The following MTMR7 variants were observed in gnomAD, a reference collection of about 807,000 sequenced individuals.
MTMR7 encodes the protein myotubularin related protein 7.
MTMR7 carries 76 observed loss-of-function variants against 81.2 expected under a neutral mutation model. That is an observed-to-expected ratio of 0.94 (90% confidence interval 0.78 to 1.13). The LOEUF (loss-of-function observed/expected upper bound fraction) is 1.13. Ranked by LOEUF, MTMR7 falls within the 50% of genes most tolerant of loss-of-function variation. The probability of loss-of-function intolerance (pLI) is 0.00; values close to 1 mark genes in which losing one functional copy is unlikely to be tolerated. For synonymous variants in MTMR7, 372 were observed against 289.8 expected, an observed-to-expected ratio of 1.28 and a Z score of -2.88; for missense variants, 1,044 against 820.0, an observed-to-expected ratio of 1.27 and a Z score of -3.34.
At chr8:17,302,830 A>G (rs933814198) in intron 12 of MTMR7, among the ~76,000 whole-genome samples, 3 of 150,158 alleles carry the variant, frequency 2.0e-5, no homozygotes, top group Non-Finnish European at 4.4e-5. Flanking sequence ...CTCCTGCCTC[A>G]GCCTCCCAAG....
rs1470057846 is a variant in MTMR7 at position 17,373,922 on chromosome 8, T to A, written c.25-682A>T. ...AGACCAATTTTAAGGACATGTGCAC[T>A]GAGATCATCCTAACATGAAATGTAA... On this transcript the variant is annotated intron_variant, in intron 1 of 13. Coordinates refer to ENST00000180173, the MANE Select transcript of MTMR7 (RefSeq NM_004686.5). Among the ~76,000 whole-genome samples the A allele has an allele frequency of 2.6e-5, 4 of 152,194 alleles. No homozygotes were observed. In the East Asian group the frequency reaches 7.7e-4, roughly 29 times the overall value.
intron 1 of MTMR7, among the ~76,000 whole-genome samples, chr8:17,408,395 C>CAAAAAAAAAAAAAAAAAAAAAAAA (rs530240881): frequency 2.6e-4 from 6 of 23,508 alleles, no homozygotes; most frequent in Admixed American, 8.5e-4. Flanking sequence ...GACTCCGTCT[C>CAAAAAAAAAAAAAAAAAAAAAAAA]AAAAAAAAAA....
At chr8:17,379,020 A>C (rs995733578) in intron 1 of MTMR7, among the ~76,000 whole-genome samples, 3 of 152,216 alleles carry the variant, frequency 2.0e-5, no homozygotes, top group Non-Finnish European at 4.4e-5. Flanking sequence ...GGAATCAGAA[A>C]AGCACAGAAA....
intron 1 of MTMR7, among the ~76,000 whole-genome samples, chr8:17,390,291 G>C (rs1821069255): frequency 6.6e-6 from 1 of 151,660 alleles, no homozygotes. Context: ...TCACATGGTG[G>C]GAGCAGGAAC....
At chr8:17,402,659 C>T (rs1400932495) in intron 1 of MTMR7, among the ~76,000 whole-genome samples, 1 of 152,164 alleles carries the variant, frequency 6.6e-6, no homozygotes, top group African/African-American at 2.4e-5. Context: ...ATACATTCGT[C>T]TGTTGATGGC....
In MTMR7 at chr8:17,374,757, G is replaced by A. The variant is rs1820523859; in HGVS notation, c.25-1517C>T. Among the ~76,000 whole-genome samples, 4 of 152,082 alleles carry A rather than the reference G, an allele frequency of 2.6e-5. No individual in the cohort carries two copies. In the South Asian group the frequency reaches 8.3e-4, roughly 31 times the overall value. On this transcript the variant is annotated intron_variant, in intron 1 of 13. Transcript: ENST00000180173. ...GAACCCTGGAGGCAGAGGTTGCAGT[G>A]AGCCAAGATCGTGCCACTGAACTCC...
chr8:17,316,791 T>A (rs1337815696), intron 7 of MTMR7, among the ~76,000 whole-genome samples: 2 of 152,176 alleles, frequency 1.3e-5, no homozygotes, highest in African/African-American at 4.8e-5. Context: ...AGGATGTGCA[T>A]AGGCTATATG....
chr8:17,326,187 G>A (rs1425629766), intron 7 of MTMR7: 2 of 152,164 alleles, frequency 1.3e-5, no homozygotes, highest in Non-Finnish European at 2.9e-5. Context: ...GGTTAAGAGT[G>A]AGGCATCTGC....
intron 3 of MTMR7, among the ~76,000 whole-genome samples, chr8:17,365,594 G>A (rs1350483447): frequency 1.3e-5 from 2 of 152,148 alleles, no homozygotes; most frequent in Non-Finnish European, 2.9e-5. Flanking sequence ...AGCAGGAAGT[G>A]CAACGAAGGC....
intron 1 of MTMR7, among the ~76,000 whole-genome samples, chr8:17,403,900 C>A (rs958830139): frequency 3.3e-5 from 5 of 152,192 alleles, no homozygotes; most frequent in African/African-American, 1.2e-4. Flanking sequence ...ATGAACGCTA[C>A]TGCTTTTTGT....
chr8:17,363,865 T>TA (rs1820133255), intron 3 of MTMR7, among the ~76,000 whole-genome samples: 1 of 150,020 alleles, frequency 6.7e-6, no homozygotes, highest in Non-Finnish European at 1.5e-5. Flanking sequence ...TTTTACCAAA[T>TA]ATTTAGCAGA....
chr8:17,380,173 G>C (rs10102007), intron 1 of MTMR7, among the ~76,000 whole-genome samples: 8,708 of 152,202 alleles, frequency 0.057, 339 homozygotes, highest in African/African-American at 0.11. Context: ...CTGAAGGTAA[G>C]AGAACTGGGG....
rs148066966 is a variant in MTMR7 at position 17,311,979 on chromosome 8, A to C, written c.976-343T>G. 2.3e-3 allele frequency: 463 copies of C among 197,348 alleles called. 1 individual carries two copies. The highest frequency in any genetic ancestry group is 0.01 in the African/African-American group (443 of 43,302). 12.2% of individuals were successfully genotyped at this position (197,348 alleles called of 1,614,324 possible). ...ACATTAAGCCTTACTGAAATTCTGG[A>C]GTTGCTACTGGCCCCAGCCATTTCC... On this transcript the variant is annotated intron_variant, in intron 8 of 13. Transcript: ENST00000180173.
intron 6 of MTMR7, among the ~76,000 whole-genome samples, chr8:17,338,119 T>C (rs2239879): frequency 0.46 from 69,240 of 151,990 alleles, 19,190 homozygotes; most frequent in African/African-American, 0.76. Context: ...AAGCTCTAAG[T>C]AAACAGTTTA....
At chr8:17,366,409 T>C (rs1417774599) in intron 3 of MTMR7, among the ~76,000 whole-genome samples, 1 of 151,966 alleles carries the variant, frequency 6.6e-6, no homozygotes, top group Admixed American at 6.6e-5. Flanking sequence ...AAAAGTATTT[T>C]AAAAATGAAA....
In MTMR7 at chr8:17,413,306, C is replaced by G. The variant is rs1349052303; in HGVS notation, c.-14G>C. On this transcript the variant is annotated 5_prime_UTR_variant, in exon 1 of 14. Coordinates refer to ENST00000180173, the MANE Select transcript of MTMR7 (RefSeq NM_004686.5). ...GATGTGCTCCATGGCTGGCCCACGT[C>G]TGCAGGGTCCCGGGCGGGCGCGGCC... 1 of 1,540,814 alleles carries G rather than the reference C, an allele frequency of 6.5e-7. No homozygotes were observed. Among genetic ancestry groups the G allele is most frequent in the Non-Finnish European group, 8.8e-7 (1 of 1,141,746 alleles).
intron 5 of MTMR7, among the ~76,000 whole-genome samples, chr8:17,347,703 G>A (rs1819600472): frequency 6.6e-6 from 1 of 152,174 alleles, no homozygotes. Context: ...GGGTGCCAAA[G>A]ACCATTCTTG....
At chr8:17,397,051 C>A (rs937732824) in intron 1 of MTMR7, among the ~76,000 whole-genome samples, 1 of 151,890 alleles carries the variant, frequency 6.6e-6, no homozygotes, top group African/African-American at 2.4e-5. Flanking sequence ...AGAGCTCGGG[C>A]CCTGAATAAT....
chr8:17,394,001 A>G (rs921477988), intron 1 of MTMR7, among the ~76,000 whole-genome samples: 2 of 152,208 alleles, frequency 1.3e-5, no homozygotes, highest in African/African-American at 4.8e-5. Context: ...CTACCACAAG[A>G]TACCGCTTCA....
Sources: gnomAD v4.1 joint callset for allele counts (sites outside exome capture counted in the v4.1 genomes callset) on GRCh38, gnomAD v4.1.1 for gene constraint, MANE v1.5 for transcripts, NCBI Gene and HGNC (gene_info 2026-07-23, HGNC 2026-07-21) for gene names.